IL1RAPL2: variants seen among roughly 807,000 people sequenced by gnomAD.
IL1RAPL2 encodes X-linked interleukin-1 receptor accessory protein-like 2.
A neutral mutation model predicts 44.1 loss-of-function variants in IL1RAPL2; 3 were observed. That is an observed-to-expected ratio of 0.07 (90% CI 0.03 to 0.18). IL1RAPL2 has a LOEUF of 0.18. IL1RAPL2 is among the 10% of genes least tolerant of loss of function. The pLI, the probability that IL1RAPL2 is intolerant of heterozygous loss-of-function variation, is 1.00. For missense variants in IL1RAPL2, 391 were observed against 496.4 expected, an observed-to-expected ratio of 0.79 and a Z score of 2.02; for synonymous variants, 181 against 178.8, an observed-to-expected ratio of 1.01 and a Z score of -0.10.
intron 2 of IL1RAPL2, among the ~76,000 whole-genome samples, chrX:105,074,765 T>C: frequency 9.2e-6 from 1 of 108,676 alleles, no homozygotes; most frequent in African/African-American, 3.3e-5. Context: ...ACATCCCTTG[T>C]AAGTTGGATT....
intron 6 of IL1RAPL2, among the ~76,000 whole-genome samples, chrX:105,618,494 T>C (rs1411364166): frequency 9.0e-6 from 1 of 111,187 alleles, no homozygotes; most frequent in Non-Finnish European, 1.9e-5. Context: ...AGTTTTCTGC[T>C]CAACTCAACT....
intron 2 of IL1RAPL2, among the ~76,000 whole-genome samples, chrX:105,164,783 C>T (rs990089365): frequency 4.5e-5 from 5 of 111,947 alleles, no homozygotes; most frequent in Non-Finnish European, 9.4e-5. Context: ...TATATACACT[C>T]TCTGCCTTTA....
chrX:104,891,691 T>G (rs1189721801), intron 2 of IL1RAPL2, among the ~76,000 whole-genome samples: 3 of 112,175 alleles, frequency 2.7e-5, no homozygotes, highest in Non-Finnish European at 5.6e-5. Flanking sequence ...ATGGAGATTT[T>G]GGGCTGAAAT....
chrX:104,860,807 G>A (rs777040574), intron 2 of IL1RAPL2, among the ~76,000 whole-genome samples: 41 of 110,997 alleles, frequency 3.7e-4, no homozygotes, highest in African/African-American at 1.3e-3. Flanking sequence ...AACCAGACCA[G>A]CAAAGTGGAA....
In IL1RAPL2 at chrX:104,601,959, T is replaced by C. The variant is rs890652779; in HGVS notation, c.-20+34908T>C. Among the ~76,000 whole-genome samples the C allele has an allele frequency of 5.4e-5, 6 of 112,022 alleles. No individual in the cohort carries two copies. In the Admixed American group the frequency reaches 5.7e-4, roughly 11 times the overall value. ...TGTCCATATGTTTGTTACAGCACTA[T>C]TTATAATAGCAAAGACATGTAATCA... On this transcript the variant is annotated intron_variant, in intron 1 of 10. Transcript: ENST00000372582.
intron 2 of IL1RAPL2, among the ~76,000 whole-genome samples, chrX:104,948,344 A>T (rs1925455378): frequency 9.2e-6 from 1 of 108,501 alleles, no homozygotes; most frequent in Non-Finnish European, 1.9e-5. Context: ...TTCTAGATAT[A>T]CAATCATGAC....
chrX:104,801,411 T>C (rs1384562460), intron 2 of IL1RAPL2, among the ~76,000 whole-genome samples: 1 of 105,554 alleles, frequency 9.5e-6, no homozygotes, highest in Non-Finnish European at 1.9e-5. Context: ...AATAGTCTGC[T>C]TCCTTATCGA....
At chrX:104,589,324 A>C (rs1928619929) in intron 1 of IL1RAPL2, among the ~76,000 whole-genome samples, 1 of 112,234 alleles carries the variant, frequency 8.9e-6, no homozygotes, top group South Asian at 3.7e-4. Flanking sequence ...CGAGGGCAGG[A>C]AGCATCCAGC....
chrX:105,070,522 C>T (rs1408430893), intron 2 of IL1RAPL2, among the ~76,000 whole-genome samples: 3 of 109,198 alleles, frequency 2.7e-5, no homozygotes, highest in Non-Finnish European at 3.8e-5. Flanking sequence ...GGTGAATCCC[C>T]GTCTCTACTA....
intron 4 of IL1RAPL2, among the ~76,000 whole-genome samples, chrX:105,236,143 C>T (rs2034118099): frequency 8.9e-6 from 1 of 112,078 alleles, no homozygotes; most frequent in African/African-American, 3.2e-5. Context: ...GAGTGAAATC[C>T]AGATAATCAA....
intron 2 of IL1RAPL2, among the ~76,000 whole-genome samples, chrX:105,034,727 C>A (rs887316065): frequency 8.9e-6 from 1 of 112,275 alleles, no homozygotes; most frequent in African/African-American, 3.2e-5. Context: ...GTTCTCAGAT[C>A]TCCAGCTGCA....
chrX:104,907,304 C>A (rs1924047447), intron 2 of IL1RAPL2, among the ~76,000 whole-genome samples: 1 of 111,788 alleles, frequency 8.9e-6, no homozygotes, highest in South Asian at 3.8e-4. Context: ...CTATTTCCTT[C>A]AGTTCTGCTT....
chrX:105,063,154 T>C (rs947030606), intron 2 of IL1RAPL2, among the ~76,000 whole-genome samples: 3 of 111,822 alleles, frequency 2.7e-5, no homozygotes, highest in Non-Finnish European at 5.6e-5. Flanking sequence ...CCTCTGACTG[T>C]ATTTTCAATA....
intron 2 of IL1RAPL2, among the ~76,000 whole-genome samples, chrX:105,079,274 A>G (rs763235273): frequency 1.8e-5 from 2 of 111,081 alleles, no homozygotes; most frequent in Non-Finnish European, 3.8e-5. Context: ...TTCCTCAAGG[A>G]TCTAGAACTA....
At chrX:104,623,045 A>G (rs1929429489) in intron 1 of IL1RAPL2, among the ~76,000 whole-genome samples, 1 of 110,909 alleles carries the variant, frequency 9.0e-6, no homozygotes, top group South Asian at 3.8e-4. Context: ...TTTGAAACTG[A>G]AGCATTTTTT....
At chrX:104,849,355 AAT>A (rs375364495) in intron 2 of IL1RAPL2, among the ~76,000 whole-genome samples, 4 of 68,696 alleles carry the variant, frequency 5.8e-5, no homozygotes, top group East Asian at 9.6e-4. Context: ...TGAACTATAT[AAT>A]ATATATATAT....
At chrX:105,097,861 G>A (rs1181268730) in intron 2 of IL1RAPL2, among the ~76,000 whole-genome samples, 1 of 111,186 alleles carries the variant, frequency 9.0e-6, no homozygotes. Context: ...AATTTAAGTA[G>A]GGTACCCGTT....
chrX:105,138,908 G>A (rs921302835), intron 2 of IL1RAPL2, among the ~76,000 whole-genome samples: 1 of 110,972 alleles, frequency 9.0e-6, no homozygotes, highest in African/African-American at 3.3e-5. Context: ...TATCATTCCT[G>A]GATCCATGCT....
chrX:105,558,718 A>G (rs1267314905), intron 6 of IL1RAPL2, among the ~76,000 whole-genome samples: 1 of 112,164 alleles, frequency 8.9e-6, no homozygotes, highest in Admixed American at 9.5e-5. Context: ...TTGCAAATCA[A>G]GTAGGAAGTA....
Sources: allele counts gnomAD v4.1 joint callset (sites outside exome capture counted in the v4.1 genomes callset), GRCh38; gene constraint gnomAD v4.1.1; transcripts MANE v1.5; gene names NCBI Gene and HGNC (gene_info 2026-07-23, HGNC 2026-07-21).